Variants in NOS1 observed in about 807,000 individuals in gnomAD.
NOS1 encodes the protein NOS type I.
In NOS1, 51 loss-of-function variants were observed where a neutral mutation model predicts 164.5. The ratio of observed to expected loss-of-function variants is 0.31; its 90% CI spans 0.25 to 0.39. NOS1 has a LOEUF of 0.39. Ranked by LOEUF, NOS1 falls within the 10% of genes least tolerant of loss-of-function variation. The pLI is 1.00. For synonymous variants in NOS1, 719 were observed against 745.8 expected, an observed-to-expected ratio of 0.96 and a Z score of 0.59; for missense variants, 1,362 against 1,885.6, an observed-to-expected ratio of 0.72 and a Z score of 5.14.
chr12:117,252,846 C>G (rs139182537), intron 17 of NOS1, among the ~76,000 whole-genome samples: 1 of 152,274 alleles, frequency 6.6e-6, no homozygotes, highest in East Asian at 1.9e-4. Flanking sequence ...GCTCAGTTAG[C>G]GAAGGTCTGA....
rs760362831 is a variant in NOS1, at chr12:117,234,584, C to T, written c.3216G>A (p.Glu1072=). The change falls in exon 21 of 29, where the codon GAG becomes GAA. Residue 1072 remains glutamate (E), a synonymous_variant. Transcript: ENST00000317775. The surrounding 1 kb of genome is among the most constrained non-coding windows in gnomAD (Gnocchi z 4.3). ...VNQMVKVELL[E]ERNTALGVIS... The stretch of plus-strand genomic sequence containing the variant: ...TGTTACCTAAAGCCGTGTTCCGCTC[C>T]TCCAGCAGTTCCACTTTCACCATCT... 1.2e-6 allele frequency: 2 copies of T among 1,613,864 alleles called. No individual in the cohort carries two copies. The highest frequency in any genetic ancestry group is 1.7e-6 in the Non-Finnish European group (2 of 1,179,822).
At chr12:117,236,978 T>C (rs1869768205) in intron 20 of NOS1, among the ~76,000 whole-genome samples, 1 of 152,124 alleles carries the variant, frequency 6.6e-6, no homozygotes. Context: ...TGACTCTGCA[T>C]GCCGCTTGCT....
chr12:117,262,262 T>C (rs1871964130), intron 13 of NOS1, among the ~76,000 whole-genome samples: 2 of 151,998 alleles, frequency 1.3e-5, no homozygotes, highest in Non-Finnish European at 2.9e-5. Flanking sequence ...TTTAGATTTC[T>C]CCCTCCCCTT....
intron 1 of NOS1, among the ~76,000 whole-genome samples, chr12:117,349,082 G>C (rs1026595098): frequency 6.6e-6 from 1 of 152,168 alleles, no homozygotes; most frequent in African/African-American, 2.4e-5. Flanking sequence ...CAAAATAAAA[G>C]TTTTTCAAAA....
At chr12:117,335,729 T>TGGGAGAGAGAGAGAGAGAGAGAGA (rs368456314) in intron 1 of NOS1, among the ~76,000 whole-genome samples, 24 of 112,600 alleles carry the variant, frequency 2.1e-4, no homozygotes, top group African/African-American at 6.8e-4. Flanking sequence ...ACAGACTATA[T>TGGGAGAGAGAGAGAGAGAGAGAGA]GAGAGAGAGA....
rs757580443 is a variant in NOS1 at position 117,220,098 on chromosome 12, C to T, written c.4147G>A (p.Gly1383Ser). The change falls in exon 27 of 29, where the codon GGC becomes AGC. Residue 1383 changes from glycine to serine, a missense_variant. Physicochemically the swap from Gly to Ser is moderately conservative, Grantham distance 56. Around this residue, in one of 4 missense-constraint regions of NOS1, gnomAD observed 737 missense variants for 1,030.3 expected, o/e 0.72. Coordinates refer to ENST00000317775, the MANE Select transcript of NOS1 (RefSeq NM_000620.5). ...QQGKLSAEDAGVFISRMRDDN... is the reference protein window; with the variant it reads ...QQGKLSAEDASVFISRMRDDN... ...ACCCTCATCCGGCTGATGAATACGCCGGCGTCCTCTGCCGAGAGCTTCCCC... is the reference window on the plus strand; with the variant it reads ...ACCCTCATCCGGCTGATGAATACGCTGGCGTCCTCTGCCGAGAGCTTCCCC... 9.3e-6 allele frequency: 15 copies of T among 1,611,272 alleles called. No homozygotes were observed. The highest frequency in any genetic ancestry group is 5.3e-5 in the African/African-American group (4 of 74,854).
At chr12:117,286,985 A>T (rs1872748415) in intron 5 of NOS1, among the ~76,000 whole-genome samples, 1 of 152,156 alleles carries the variant, frequency 6.6e-6, no homozygotes, top group African/African-American at 2.4e-5. Flanking sequence ...GAGGCCGAGG[A>T]GGGTGGATCA....
chr12:117,254,092 C>T (rs1871277164), intron 16 of NOS1, among the ~76,000 whole-genome samples: 1 of 152,008 alleles, frequency 6.6e-6, no homozygotes, highest in South Asian at 2.1e-4. Flanking sequence ...GACCATGCTC[C>T]CTTGTTTCTA....
intron 16 of NOS1, among the ~76,000 whole-genome samples, chr12:117,257,028 T>C (rs1566042944): frequency 6.6e-6 from 1 of 152,046 alleles, no homozygotes; most frequent in Non-Finnish European, 1.5e-5. Flanking sequence ...GCTGAGATCG[T>C]GCCATTGCAC....
chr12:117,309,451 G>C (rs1202737335), intron 3 of NOS1: 4 of 885,400 alleles, frequency 4.5e-6, no homozygotes, highest in Non-Finnish European at 5.4e-6. Context: ...GTTTAGGTGC[G>C]CTGGCAGTGA....
At chr12:117,353,458 C>T (rs1162943056) in intron 1 of NOS1, among the ~76,000 whole-genome samples, 7 of 152,234 alleles carry the variant, frequency 4.6e-5, no homozygotes, top group African/African-American at 1.4e-4. Flanking sequence ...CAGACTCCCA[C>T]AAAACCCACA....
At chr12:117,293,915 C>T (rs1189764482) in intron 3 of NOS1, among the ~76,000 whole-genome samples, 5 of 152,142 alleles carry the variant, frequency 3.3e-5, no homozygotes, top group Non-Finnish European at 7.3e-5. Context: ...TTTGTTCAAA[C>T]GTCTGGCCAG....
At chr12:117,235,668 T>C (rs1007865833) in intron 20 of NOS1, among the ~76,000 whole-genome samples, 4 of 152,228 alleles carry the variant, frequency 2.6e-5, no homozygotes, top group African/African-American at 9.6e-5. Flanking sequence ...GATTTTTGTG[T>C]TTCAAGTTCA....
intron 2 of NOS1, among the ~76,000 whole-genome samples, chr12:117,318,197 G>A (rs1874754319): frequency 6.6e-6 from 1 of 152,058 alleles, no homozygotes; most frequent in Non-Finnish European, 1.5e-5. Context: ...TCAGATTTCT[G>A]AGCTCTCCTC....
Position 117,263,957 on chromosome 12 carries a change from C to G in NOS1, c.2154G>C (p.Thr718=), listed in dbSNP as rs755377258. 1 of 1,613,602 alleles carries G rather than the reference C, an allele frequency of 6.2e-7. No individual in the cohort carries two copies. Residue 718 remains threonine, a synonymous_variant, in exon 13 of 29, where the codon ACG becomes ACC. Transcript: ENST00000317775. ...TCCCGTTGGTGCCTTTCCAGACATG[C>G]GTGTTCCAGGGATCAGGCTGGGAAG... ...SFEYQPDPWN[T]HVWKGTNGTP... is the part of the protein sequence containing the mutation.
At chr12:117,286,738 C>T (rs1470540159) in intron 5 of NOS1, among the ~76,000 whole-genome samples, 1 of 152,128 alleles carries the variant, frequency 6.6e-6, no homozygotes, top group Admixed American at 6.5e-5. Flanking sequence ...ATGTCCCAAG[C>T]CTAAAAAATA....
intron 26 of NOS1, among the ~76,000 whole-genome samples, chr12:117,221,722 C>T (rs982778452): frequency 6.6e-6 from 1 of 151,810 alleles, no homozygotes; most frequent in Non-Finnish European, 1.5e-5. Context: ...AAGCCTTGAC[C>T]TCCCAGGCTA....
At chr12:117,228,844 G>C (rs557724398) in intron 22 of NOS1, among the ~76,000 whole-genome samples, 4 of 151,992 alleles carry the variant, frequency 2.6e-5, no homozygotes, top group African/African-American at 9.7e-5. Flanking sequence ...GCAACGGCAC[G>C]ATCTTGGCTC....
chr12:117,258,285 A>G (rs1193087428), intron 16 of NOS1, 112 bp downstream of exon 16: 1 of 1,047,740 alleles, frequency 9.5e-7, no homozygotes, highest in Non-Finnish European at 1.5e-6. Context: ...TTACAAATGG[A>G]CTTCAGATTA....
Sources: allele counts gnomAD v4.1 joint callset (sites outside exome capture counted in the v4.1 genomes callset), GRCh38; gene constraint gnomAD v4.1.1; regional missense constraint gnomAD v4.1.1; non-coding constraint Gnocchi (gnomAD v3.1); transcripts MANE v1.5; gene names NCBI Gene and HGNC (gene_info 2026-07-23, HGNC 2026-07-21).